The following HMGA2 variants were observed in gnomAD, a reference collection of about 807,000 sequenced individuals.
The protein encoded by HMGA2 is high mobility group AT-hook 2.
A neutral mutation model predicts 19.1 loss-of-function variants in HMGA2; 8 were observed. That is an observed-to-expected ratio of 0.42 (90% CI 0.25 to 0.76). HMGA2 has a LOEUF of 0.76. Ranked by LOEUF, HMGA2 falls within the 30% of genes least tolerant of loss-of-function variation. The pLI is 0.28. For synonymous variants in HMGA2, 60 were observed against 48.8 expected (o/e 1.23, Z -0.96); for missense variants, 109 against 136.3 (o/e 0.80, Z 1.00).
chr12:65,935,700 T>C (rs1322067340), intron 3 of HMGA2, among the ~76,000 whole-genome samples: 2 of 152,244 alleles, frequency 1.3e-5, no homozygotes, highest in South Asian at 4.1e-4. Context: ...TGTAACTTGC[T>C]GAGAGTTATT....
chr12:65,840,623 T>C (rs1174873489), intron 3 of HMGA2, among the ~76,000 whole-genome samples: 1 of 152,168 alleles, frequency 6.6e-6, no homozygotes, highest in Non-Finnish European at 1.5e-5. Context: ...TATACTCTAA[T>C]GAGCACATTG....
At position 65,828,076 on chromosome 12, in the gene HMGA2, G is replaced by A; in HGVS notation, c.187G>A (p.Ala63Thr). ...CAGCAAAAACAAGAGTCCCTCTAAA[G>A]CAGCTCAAAAGGTGAGATTTCTCAA... is the stretch of plus-strand genomic sequence containing the variant. ...KGSKNKSPSK[A>T]AQKKAEATGE... The change falls in exon 2 of 5, where the codon GCA becomes ACA. Residue 63 changes from alanine (A) to threonine (T), a missense_variant. Ala to Thr is a moderately conservative substitution (Grantham distance 58, BLOSUM62 0). Coordinates refer to ENST00000403681, the MANE Select transcript of HMGA2 (RefSeq NM_003483.6). The A allele has an allele frequency of 6.2e-7, 1 of 1,612,852 alleles. No homozygotes were observed. Among genetic ancestry groups the A allele is most frequent in the Non-Finnish European group, 8.5e-7 (1 of 1,178,958 alleles).
chr12:65,825,226 C>A lies in HMGA2; in HGVS notation c.-45C>A, dbSNP rs1016272348. ...AGGTGCTGGGCAGCTCCGGGGCGGT[C>A]GAGGCGAAGCGGCTGCAGCGGCGGT... On this transcript the variant is annotated 5_prime_UTR_variant, in exon 1 of 5. Transcript: ENST00000403681. This position sits in a 1 kb window ranked among gnomAD's most constrained non-coding sequence, Gnocchi z 4.4. 5.4e-6 allele frequency: 8 copies of A among 1,480,172 alleles called. No individual in the cohort carries two copies. Among genetic ancestry groups the A allele is most frequent in the South Asian group, 3.7e-5 (3 of 81,354 alleles). 91.7% of individuals were successfully genotyped at this position (1,480,172 alleles called of 1,614,324 possible).
rs1301590543 is a variant in HMGA2, at chr12:65,918,004, A to G, written c.250-33379A>G. ...GAAAACATCCAGTTTTGATAAGTCA[A>G]ACTAAAACATCCATTCTTCACTCAG... On this transcript the variant is annotated intron_variant, in intron 3 of 4. Transcript: ENST00000403681. 2.6e-5 allele frequency among the ~76,000 whole-genome samples: 4 copies of G among 152,208 alleles called. No homozygotes were observed. The East Asian group carries it at 7.7e-4, about 29-fold the overall frequency.
intron 3 of HMGA2, among the ~76,000 whole-genome samples, chr12:65,912,095 T>C (rs1874870957): frequency 6.6e-6 from 1 of 152,186 alleles, no homozygotes; most frequent in Non-Finnish European, 1.5e-5. Context: ...CTAGTCTTTC[T>C]GTTTATGTTC....
intron 3 of HMGA2, among the ~76,000 whole-genome samples, chr12:65,944,995 A>G (rs1453103816): frequency 6.6e-6 from 1 of 152,000 alleles, no homozygotes; most frequent in African/African-American, 2.4e-5. Flanking sequence ...CAGTCTCCCA[A>G]GTAGCTGGGA....
chr12:65,906,190 G>A (rs898022337), intron 3 of HMGA2, among the ~76,000 whole-genome samples: 4 of 152,142 alleles, frequency 2.6e-5, no homozygotes. Context: ...TTTATAGTGC[G>A]TGAACTTTTA....
chr12:65,952,052 T>G (rs945304052), intron 4 of HMGA2: 1 of 271,966 alleles, frequency 3.7e-6, no homozygotes, highest in African/African-American at 2.2e-5. Context: ...ATAGAAACAT[T>G]AAAAAAACAT....
intron 2 of HMGA2, 86 bp from the exon 3 acceptor site, chr12:65,838,433 A>G: frequency 2.9e-6 from 3 of 1,030,342 alleles, no homozygotes; most frequent in East Asian, 5.0e-5. Flanking sequence ...AAAGCAGAAC[A>G]TTCTTACTTC....
chr12:65,856,888 G>A (rs1456214821), intron 3 of HMGA2: 1 of 152,012 alleles, frequency 6.6e-6, no homozygotes, highest in Non-Finnish European at 1.5e-5. Context: ...ATTTGATTAG[G>A]GCCCACCCCA....
chr12:65,845,638 A>T (rs1246460257), intron 3 of HMGA2, among the ~76,000 whole-genome samples: 1 of 152,152 alleles, frequency 6.6e-6, no homozygotes, highest in Non-Finnish European at 1.5e-5. Context: ...CAAACATTTA[A>T]ACATTTTTGA....
At chr12:65,830,849 A>G (rs1316564351) in intron 2 of HMGA2, 2 of 151,906 alleles carry the variant, frequency 1.3e-5, no homozygotes, top group Non-Finnish European at 3.0e-5. Context: ...TTATAAGAAC[A>G]CAATTTCCTA....
intron 2 of HMGA2, among the ~76,000 whole-genome samples, chr12:65,833,777 A>G (rs979212745): frequency 7.2e-5 from 11 of 152,216 alleles, no homozygotes; most frequent in African/African-American, 2.7e-4. Context: ...ACCTGTGAAC[A>G]TGGGCAGGTT....
At chr12:65,855,989 T>C (rs1871723275) in intron 3 of HMGA2, 1 of 152,144 alleles carries the variant, frequency 6.6e-6, no homozygotes. Context: ...ATTATCTTAT[T>C]TAAACAAAAA....
At chr12:65,891,771 CT>C (rs1873921802) in intron 3 of HMGA2, among the ~76,000 whole-genome samples, 2 of 152,168 alleles carry the variant, frequency 1.3e-5, no homozygotes, top group Non-Finnish European at 1.5e-5. Flanking sequence ...CAGCAAGTGA[CT>C]TATCTAATAA....
At chr12:65,892,041 C>G (rs1873932568) in intron 3 of HMGA2, among the ~76,000 whole-genome samples, 2 of 152,314 alleles carry the variant, frequency 1.3e-5, no homozygotes, top group Admixed American at 1.3e-4. Context: ...CTTGTCTTCT[C>G]GCTGGTGAAT....
intron 3 of HMGA2, among the ~76,000 whole-genome samples, chr12:65,942,880 T>C (rs111781442): frequency 6.6e-6 from 1 of 152,320 alleles, no homozygotes; most frequent in Non-Finnish European, 1.5e-5. Flanking sequence ...TGTATTTCTT[T>C]GTGATAGGGA....
At chr12:65,909,321 TA>T (rs1874739314) in intron 3 of HMGA2, among the ~76,000 whole-genome samples, 1 of 152,142 alleles carries the variant, frequency 6.6e-6, no homozygotes, top group Admixed American at 6.5e-5. Context: ...TAAAAGGATA[TA>T]AGGTGTAGTG....
chr12:65,876,273 G>T (rs1424807572), intron 3 of HMGA2, among the ~76,000 whole-genome samples: 1 of 151,958 alleles, frequency 6.6e-6, no homozygotes, highest in Non-Finnish European at 1.5e-5. Flanking sequence ...CTCACAGAAT[G>T]GATACTGAGT....
Sources: allele counts gnomAD v4.1 joint callset (sites outside exome capture counted in the v4.1 genomes callset), GRCh38; gene constraint gnomAD v4.1.1; non-coding constraint Gnocchi (gnomAD v3.1); transcripts MANE v1.5; gene names NCBI Gene and HGNC (gene_info 2026-07-23, HGNC 2026-07-21).